The following AUTS2 variants were observed in gnomAD, a reference collection of about 807,000 sequenced individuals.
The protein encoded by AUTS2 is activator of transcription and developmental regulator AUTS2.
AUTS2 carries 17 observed loss-of-function variants against 112.4 expected under a neutral mutation model. The observed-to-expected ratio is 0.15, with a 90% CI of 0.10 to 0.23. AUTS2 has a LOEUF of 0.23. Among genes scored for constraint, AUTS2 ranks in the 10% least tolerant of loss-of-function variants. AUTS2 has a pLI of 1.00. For missense variants in AUTS2, 1,510 were observed against 1,701.6 expected (o/e 0.89, Z 1.98); for synonymous variants, 751 against 702.7 (o/e 1.07, Z -1.09).
intron 5 of AUTS2, among the ~76,000 whole-genome samples, chr7:70,496,627 G>GA (rs1798530726): frequency 2.5e-4 from 4 of 16,234 alleles, no homozygotes; most frequent in South Asian, 1.7e-3. Context: ...ACGTACACAG[G>GA]CACACACACA....
In AUTS2 at chr7:70,781,975, T is replaced by C. The variant is rs1585683154; in HGVS notation, c.2146+219T>C. Reference sequence around the variant, plus strand: ...GAGGAGGCAGAGATCATCTTTCCCTTACAGGGATTCACATTGCTTCGGTTC... The same window carrying C: ...GAGGAGGCAGAGATCATCTTTCCCTCACAGGGATTCACATTGCTTCGGTTC... On this transcript the variant is annotated intron_variant, in intron 15 of 18. Transcript: ENST00000342771. 1.4e-5 allele frequency: 8 copies of C among 577,500 alleles called. No individual in the cohort carries two copies. In the East Asian group the frequency reaches 2.5e-4, roughly 18 times the overall value. 35.8% of individuals were successfully genotyped at this position (577,500 alleles called of 1,614,324 possible). A position where few individuals can be genotyped will look rare whatever the true frequency, so the allele number is the denominator to read the frequency against.
chr7:70,611,542 T>C (rs1246977823), intron 5 of AUTS2, among the ~76,000 whole-genome samples: 2 of 152,232 alleles, frequency 1.3e-5, no homozygotes, highest in Non-Finnish European at 2.9e-5. Context: ...GCCACTGTTA[T>C]TTTAGGTTGC....
intron 6 of AUTS2, among the ~76,000 whole-genome samples, chr7:70,734,093 C>G (rs538844456): frequency 6.6e-6 from 1 of 152,120 alleles, no homozygotes; most frequent in Non-Finnish European, 1.5e-5. Context: ...TCAAGCCTCC[C>G]GACAGCCCGC....
At chr7:70,228,757 T>C (rs922296049) in intron 4 of AUTS2, among the ~76,000 whole-genome samples, 5 of 151,932 alleles carry the variant, frequency 3.3e-5, no homozygotes, top group Non-Finnish European at 7.4e-5. Flanking sequence ...TTATAGCTAT[T>C]ATTATCACAT....
chr7:69,981,707 A>T (rs1798301560), intron 2 of AUTS2, among the ~76,000 whole-genome samples: 1 of 152,226 alleles, frequency 6.6e-6, no homozygotes, highest in African/African-American at 2.4e-5. Context: ...TTGTAAATAA[A>T]TTGTAGAAAA....
At chr7:70,000,723 T>C (rs1799153118) in intron 2 of AUTS2, among the ~76,000 whole-genome samples, 1 of 152,214 alleles carries the variant, frequency 6.6e-6, no homozygotes, top group South Asian at 2.1e-4. Flanking sequence ...GAACAGATGA[T>C]TAAAGAGAGT....
chr7:70,680,134 G>A lies in AUTS2; in HGVS notation c.691-18435G>A, dbSNP rs182491622. ...AGTGGGGAGGAGGGTGGAAGCAGAA[G>A]AGGTACATACATTGAATGGTATATC... On this transcript the variant is annotated intron_variant, in intron 5 of 18. Coordinates refer to ENST00000342771, the MANE Select transcript of AUTS2 (RefSeq NM_015570.4). Among the ~76,000 whole-genome samples the A allele has an allele frequency of 9.1e-4, 138 of 152,234 alleles. 1 individual carries two copies. The highest frequency in any genetic ancestry group is 6.8e-3 in the Middle Eastern group (2 of 294).
rs150078626 is a variant in AUTS2 at position 70,698,865 on chromosome 7, A to C, written c.742+245A>C. 6 of 360,764 alleles carry C rather than the reference A, an allele frequency of 1.7e-5. No individual in the cohort carries two copies. In the East Asian group the frequency reaches 2.6e-4, roughly 16 times the overall value. The allele number at this position is 360,764 out of a possible 1,614,324, so 22.3% of individuals were successfully genotyped here. On this transcript the variant is annotated intron_variant, in intron 6 of 18. Transcript: ENST00000342771. ...ACTGATTTGACTAATCACTACTACTATGTGACTTTAATATAGAAAGCTGTA... is the reference window on the plus strand; with the variant it reads ...ACTGATTTGACTAATCACTACTACTCTGTGACTTTAATATAGAAAGCTGTA...
At chr7:70,018,274 A>G (rs915086029) in intron 2 of AUTS2, among the ~76,000 whole-genome samples, 27 of 151,832 alleles carry the variant, frequency 1.8e-4, no homozygotes, top group African/African-American at 6.0e-4. Flanking sequence ...ATATTCGCTG[A>G]CTTTTATGTT....
At chr7:70,077,493 A>G (rs1803091684) in intron 2 of AUTS2, among the ~76,000 whole-genome samples, 1 of 152,134 alleles carries the variant, frequency 6.6e-6, no homozygotes, top group Non-Finnish European at 1.5e-5. Context: ...TTGTAATCTC[A>G]CAAAGCTTGA....
At chr7:69,930,823 C>G (rs1437045389) in intron 2 of AUTS2, among the ~76,000 whole-genome samples, 1 of 152,166 alleles carries the variant, frequency 6.6e-6, no homozygotes, top group Middle Eastern at 3.4e-3. Flanking sequence ...AGGTAAACAT[C>G]ATCATTATTA....
At chr7:70,389,461 G>A (rs1341773899) in intron 4 of AUTS2, among the ~76,000 whole-genome samples, 1 of 152,208 alleles carries the variant, frequency 6.6e-6, no homozygotes, top group Non-Finnish European at 1.5e-5. Flanking sequence ...GGCAAGCCTA[G>A]TGTTCTCTCA....
At chr7:70,756,947 G>C (rs1403661653) in intron 6 of AUTS2, among the ~76,000 whole-genome samples, 10 of 152,218 alleles carry the variant, frequency 6.6e-5, no homozygotes, top group Admixed American at 6.5e-4. Flanking sequence ...TTGAGATGTT[G>C]TCGTGTGGGG....
At chr7:70,153,003 C>A (rs187213804) in intron 4 of AUTS2, among the ~76,000 whole-genome samples, 2 of 152,054 alleles carry the variant, frequency 1.3e-5, no homozygotes, top group Non-Finnish European at 2.9e-5. Flanking sequence ...ATTGAGAGAA[C>A]AGTTTGATAA....
At chr7:70,608,958 T>A (rs1803928152) in intron 5 of AUTS2, among the ~76,000 whole-genome samples, 1 of 152,250 alleles carries the variant, frequency 6.6e-6, no homozygotes, top group Non-Finnish European at 1.5e-5. Flanking sequence ...TTTATTTTAA[T>A]TGATGTATAA....
In AUTS2 at chr7:70,479,571, G is replaced by T. The variant is rs185557488; in HGVS notation, c.690+43790G>T. 2.0e-5 allele frequency among the ~76,000 whole-genome samples: 3 copies of T among 152,104 alleles called. No individual in the cohort carries two copies. In the East Asian group the frequency reaches 5.8e-4, roughly 29 times the overall value. The stretch of plus-strand genomic sequence containing the variant: ...TGCATTGAACAGCTCTTCTTCCACA[G>T]TGCAGATGGATTTTCCGTTCACCAG... On this transcript the variant is annotated intron_variant, in intron 5 of 18. Coordinates refer to ENST00000342771, the MANE Select transcript of AUTS2 (RefSeq NM_015570.4).
At chr7:70,787,123 G>GTT in intron 17 of AUTS2, 86 bp from the exon 18 acceptor site, 1 of 1,295,324 alleles carries the variant, frequency 7.7e-7, no homozygotes, top group Non-Finnish European at 1.1e-6. Flanking sequence ...TCTGAATGCT[G>GTT]TTAAAAGTTT....
chr7:69,924,179 T>G (rs551203615), intron 2 of AUTS2, among the ~76,000 whole-genome samples: 10 of 152,232 alleles, frequency 6.6e-5, no homozygotes, highest in Non-Finnish European at 1.2e-4. Flanking sequence ...ACCTTTTTTT[T>G]GTCTATCAAG....
intron 6 of AUTS2, among the ~76,000 whole-genome samples, chr7:70,753,959 A>T (rs1270659195): frequency 2.0e-5 from 3 of 151,304 alleles, no homozygotes; most frequent in African/African-American, 7.3e-5. Flanking sequence ...GATCGAGACC[A>T]TCCTGGCTAA....
Sources: gnomAD v4.1 joint callset for allele counts (sites outside exome capture counted in the v4.1 genomes callset) on GRCh38, gnomAD v4.1.1 for gene constraint, MANE v1.5 for transcripts, NCBI Gene and HGNC (gene_info 2026-07-23, HGNC 2026-07-21) for gene names.